Variants in GALK2 observed in about 807,000 individuals in gnomAD.
The protein encoded by GALK2 is galactokinase 2, also known as N-acetylgalactosamine kinase.
Under a neutral mutation model 52.4 loss-of-function variants are expected in GALK2, and 36 were observed. The observed-to-expected ratio is 0.69, with a 90% CI of 0.53 to 0.91. The LOEUF is 0.91. Among genes scored for constraint, GALK2 ranks in the 40% least tolerant of loss-of-function variants. GALK2 has a pLI of 0.00. For synonymous variants in GALK2, 176 were observed against 199.1 expected, an observed-to-expected ratio of 0.88 and a Z score of 0.98; for missense variants, 579 against 559.1, an observed-to-expected ratio of 1.04 and a Z score of -0.36.
intron 3 of GALK2, among the ~76,000 whole-genome samples, chr15:49,360,903 A>G (rs11633981): frequency 0.17 from 25,583 of 152,124 alleles, 2,416 homozygotes; most frequent in Non-Finnish European, 0.21. Context: ...AGTCCTCTCC[A>G]TACATACCTC....
intron 2 of GALK2, among the ~76,000 whole-genome samples, chr15:49,211,421 A>T (rs1002409000): frequency 6.6e-6 from 1 of 152,116 alleles, no homozygotes; most frequent in Non-Finnish European, 1.5e-5. Flanking sequence ...TCATCGTCCT[A>T]TCTTTTTTCT....
chr15:49,247,593 A>G (rs930702184), intron 5 of GALK2, among the ~76,000 whole-genome samples: 4 of 152,224 alleles, frequency 2.6e-5, no homozygotes, highest in African/African-American at 9.6e-5. Flanking sequence ...ATGAATAAAG[A>G]GGTTGAAATA....
At chr15:49,228,688 T>TATATATATATATGTATATATATATA in intron 3 of GALK2, among the ~76,000 whole-genome samples, 5 of 10,440 alleles carry the variant, frequency 4.8e-4, no homozygotes, top group Non-Finnish European at 7.2e-4. Context: ...TATATATATA[T>TATATATATATATGTATATATATATA]TTTTTTTTTT....
chr15:49,190,337 G>A (rs969950575), intron 1 of GALK2, among the ~76,000 whole-genome samples: 3 of 152,040 alleles, frequency 2.0e-5, no homozygotes, highest in African/African-American at 7.2e-5. Flanking sequence ...GAATGCAACT[G>A]ATTGCCCCCT....
At chr15:49,353,754 A>T (rs1374335038) in intron 3 of GALK2, 1 of 151,712 alleles carries the variant, frequency 6.6e-6, no homozygotes, top group Non-Finnish European at 1.5e-5. Context: ...TTGGAAAAAT[A>T]ACTAGATGGG....
At chr15:49,262,602 C>G (rs528988822) in intron 5 of GALK2, among the ~76,000 whole-genome samples, 120 of 151,926 alleles carry the variant, frequency 7.9e-4, no homozygotes, top group African/African-American at 2.7e-3. Context: ...ATTTCTTGCC[C>G]TCTGCTAGCT....
At chr15:49,219,358 T>C (rs543041000) in intron 3 of GALK2, among the ~76,000 whole-genome samples, 1 of 152,308 alleles carries the variant, frequency 6.6e-6, no homozygotes, top group African/African-American at 2.4e-5. Flanking sequence ...ACCATTGATA[T>C]AAGACGTGAC....
chr15:49,337,596 T>C lies in GALK2; in HGVS notation c.426+17791T>C, dbSNP rs1193586872. On this transcript the variant is annotated intron_variant, in intron 3 of 3. Coordinates refer to the GALK2 transcript ENST00000558399. Reference sequence around the variant, plus strand: ...AACATGCAGGTTTGTTACATAGGTATACATGTGCCATGGTGGTTTGCTGCA... The same window carrying C: ...AACATGCAGGTTTGTTACATAGGTACACATGTGCCATGGTGGTTTGCTGCA... Among the ~76,000 whole-genome samples the C allele has an allele frequency of 2.1e-5, 3 of 146,262 alleles. No homozygotes were observed. The Admixed American group carries it at 2.1e-4, about 10-fold the overall frequency.
chr15:49,228,687 A>ATATATATATACATATAT (rs1555409061), intron 3 of GALK2, among the ~76,000 whole-genome samples: 1 of 14,274 alleles, frequency 7.0e-5, no homozygotes, highest in Non-Finnish European at 1.2e-4. Context: ...ATATATATAT[A>ATATATATATACATATAT]TTTTTTTTTT....
At chr15:49,332,857 TA>T (rs1350443369), downstream of GALK2, among the ~76,000 whole-genome samples, 1 of 152,164 alleles carries the variant, frequency 6.6e-6, no homozygotes, top group African/African-American at 2.4e-5. Flanking sequence ...TGGGATTACT[TA>T]GTCGGAGGTT....
At chr15:49,316,544 A>G (rs900830960) in intron 8 of GALK2, among the ~76,000 whole-genome samples, 4 of 152,162 alleles carry the variant, frequency 2.6e-5, no homozygotes, top group African/African-American at 4.8e-5. Context: ...CAGCACACCA[A>G]CATGGCACAT....
At chr15:49,367,027 A>G (rs997276634) in intron 3 of GALK2, among the ~76,000 whole-genome samples, 7 of 152,158 alleles carry the variant, frequency 4.6e-5, no homozygotes, top group African/African-American at 1.7e-4. Flanking sequence ...TTTAATGTGT[A>G]AAAAATGTTC....
chr15:49,233,193 C>A (rs2090602105), intron 3 of GALK2, among the ~76,000 whole-genome samples: 1 of 152,170 alleles, frequency 6.6e-6, no homozygotes, highest in Non-Finnish European at 1.5e-5. Context: ...AGGAAACTTA[C>A]AAGCATGGTG....
intron 8 of GALK2, among the ~76,000 whole-genome samples, chr15:49,316,335 G>GA (rs34038873): frequency 0.66 from 100,043 of 151,708 alleles, 33,584 homozygotes; most frequent in African/African-American, 0.74. Context: ...CTGTGGAGGG[G>GA]AAAAATGAAA....
At position 49,263,697 on chromosome 15, in the gene GALK2, G is replaced by T. The variant is rs1368072020; in HGVS notation, c.505-18290G>T. 1.9e-4 allele frequency among the ~76,000 whole-genome samples: 25 copies of T among 130,082 alleles called. No individual in the cohort carries two copies. In the East Asian group the frequency reaches 5.0e-3, roughly 26 times the overall value. 85.3% of individuals were successfully genotyped at this position (130,082 alleles called of 152,430 possible). The stretch of plus-strand genomic sequence containing the variant: ...CTTTACATTTTGGCATGATTTTGCA[G>T]CGGCTGGTACTGGTTGTTCCTTTCC... On this transcript the variant is annotated intron_variant, in intron 5 of 9. Coordinates refer to ENST00000560031, the MANE Select transcript of GALK2 (RefSeq NM_002044.4).
At chr15:49,278,456 G>A (rs16962262) in intron 5 of GALK2, among the ~76,000 whole-genome samples, 9,178 of 152,186 alleles carry the variant, frequency 0.06, 552 homozygotes, top group African/African-American at 0.15. Flanking sequence ...CTTGGGACTT[G>A]GCTGCTTTTT....
intron 8 of GALK2, among the ~76,000 whole-genome samples, chr15:49,304,639 A>T (rs1047922691): frequency 2.6e-5 from 4 of 152,214 alleles, no homozygotes; most frequent in African/African-American, 9.6e-5. Context: ...ATGTGTGAGG[A>T]TAGCTGGAAT....
At chr15:49,224,775 C>T (rs1382819238) in intron 3 of GALK2, among the ~76,000 whole-genome samples, 2 of 152,050 alleles carry the variant, frequency 1.3e-5, no homozygotes, top group African/African-American at 4.8e-5. Context: ...GTGATAACTC[C>T]AATTTTTTTC....
At chr15:49,158,985 C>G (rs2141145035) in intron 1 of GALK2, 1 of 152,304 alleles carries the variant, frequency 6.6e-6, no homozygotes, top group Admixed American at 6.5e-5. Flanking sequence ...GCCACCATTC[C>G]TGACTAATTT....
Sources: allele counts gnomAD v4.1 joint callset (sites outside exome capture counted in the v4.1 genomes callset), GRCh38; gene constraint gnomAD v4.1.1; transcripts MANE v1.5; gene names NCBI Gene and HGNC (gene_info 2026-07-23, HGNC 2026-07-21).